Variants in ANKRD26 observed in about 807,000 individuals in gnomAD.
ANKRD26 encodes the protein ankyrin repeat domain-containing protein 26.
ANKRD26 carries 141 observed loss-of-function variants against 208.7 expected under a neutral mutation model. The observed-to-expected ratio is 0.68, with a 90% CI of 0.59 to 0.78. The LOEUF is 0.78. ANKRD26 is among the 30% of genes least tolerant of loss of function. ANKRD26 has a pLI of 0.00. For synonymous variants in ANKRD26, 636 were observed against 660.4 expected (o/e 0.96, Z 0.57); for missense variants, 1,889 against 1,938.7 (o/e 0.97, Z 0.48).
chr10:27,098,546 T>C (rs2056539967), intron 1 of ANKRD26, among the ~76,000 whole-genome samples: 1 of 118,256 alleles, frequency 8.5e-6, no homozygotes, highest in Non-Finnish European at 1.7e-5. Context: ...ATAACAAATT[T>C]TACCACTTTT....
intron 4 of ANKRD26, among the ~76,000 whole-genome samples, chr10:26,982,324 A>T (rs2052320728): frequency 6.6e-6 from 1 of 152,150 alleles, no homozygotes; most frequent in South Asian, 2.1e-4. Context: ...ACCAAATAGG[A>T]GGCGGGTTGG....
At chr10:27,050,244 A>G (rs865859558) in intron 16 of ANKRD26, among the ~76,000 whole-genome samples, 26 of 134,274 alleles carry the variant, frequency 1.9e-4, no homozygotes, top group African/African-American at 8.6e-4. Context: ...AAAAAAAAAA[A>G]AAAGAAAGAA....
At chr10:27,008,216 A>G (rs1199721482) in intron 32 of ANKRD26, among the ~76,000 whole-genome samples, 2 of 151,988 alleles carry the variant, frequency 1.3e-5, no homozygotes, top group African/African-American at 4.8e-5. Context: ...GATAATGATA[A>G]TATGATATCC....
intron 20 of ANKRD26, 117 bp from the exon 21 acceptor site, chr10:27,040,295 G>A (rs2054191290): frequency 2.7e-6 from 2 of 749,842 alleles, no homozygotes; most frequent in East Asian, 2.7e-5. Flanking sequence ...GGCCTACAAT[G>A]TGGAAGACAT....
intron 1 of ANKRD26, among the ~76,000 whole-genome samples, chr10:27,096,012 GAGCTCT>G (rs72196423): frequency 0.13 from 19,483 of 151,976 alleles, 1,357 homozygotes; most frequent in East Asian, 0.28. Flanking sequence ...TACTTGACCA[GAGCTCT>G]CATCTGTCCT....
At chr10:27,045,131 A>G (rs567450775) in intron 18 of ANKRD26, among the ~76,000 whole-genome samples, 1 of 152,332 alleles carries the variant, frequency 6.6e-6, no homozygotes, top group East Asian at 1.9e-4. Flanking sequence ...GCATTCAAAA[A>G]TCCTTATTGA....
At chr10:27,051,600 T>C (rs2054661968) in intron 16 of ANKRD26, 1 of 985,178 alleles carries the variant, frequency 1.0e-6, no homozygotes, top group Non-Finnish European at 1.2e-6. Flanking sequence ...AACATTTTCA[T>C]GGCCTAATTT....
At position 27,043,555 on chromosome 10, in the gene ANKRD26, T is replaced by C. The variant is rs2054336510; in HGVS notation, c.2032A>G (p.Ile678Val). 6.2e-7 allele frequency: 1 copy of C among 1,613,748 alleles called. No homozygotes were observed. Among genetic ancestry groups the C allele is most frequent in the East Asian group, 2.2e-5 (1 of 44,840 alleles). Residue 678 changes from isoleucine (I) to valine (V), a missense_variant, in exon 20 of 34, where the codon ATA (isoleucine) becomes GTA (valine). Transcript: ENST00000376087. ...SNEKNKVKNQ[I>V]QSMDDVDDLT... is the part of the protein sequence containing the mutation. The stretch of plus-strand genomic sequence containing the variant: ...TCATCAACATCATCCATAGACTGTA[T>C]TTGGTTTTTGACCTATGAAATAAAT...
chr10:27,099,595 G>A (rs4749225), intron 1 of ANKRD26, among the ~76,000 whole-genome samples: 33,828 of 147,380 alleles, frequency 0.23, 4,517 homozygotes, highest in East Asian at 0.55. Flanking sequence ...TGCCCAGGCT[G>A]GCCTTGAACT....
chr10:27,061,130 T>C lies in ANKRD26; in HGVS notation c.1462+14A>G, dbSNP rs915772871. Reference sequence around the variant, plus strand: ...GAATAACAGTTAACAAAAATACGCATTTTTTTTCCATACCCATGTGGGCTA... The same window carrying C: ...GAATAACAGTTAACAAAAATACGCACTTTTTTTCCATACCCATGTGGGCTA... On this transcript the variant is annotated intron_variant, in intron 13 of 33. Transcript: ENST00000376087. 11 of 1,548,268 alleles carry C rather than the reference T, an allele frequency of 7.1e-6. No homozygotes were observed. Among genetic ancestry groups the C allele is most frequent in the Non-Finnish European group, 9.8e-6 (11 of 1,121,726 alleles).
intron 9 of ANKRD26, among the ~76,000 whole-genome samples, chr10:27,068,735 C>CTGA (rs2055360407): frequency 6.6e-6 from 1 of 151,948 alleles, no homozygotes; most frequent in Admixed American, 6.6e-5. Flanking sequence ...TCAGAAAGGT[C>CTGA]ACCCTGGCAG....
intron 18 of ANKRD26, among the ~76,000 whole-genome samples, chr10:27,044,938 C>G (rs895295464): frequency 1.8e-4 from 27 of 152,116 alleles, no homozygotes; most frequent in Non-Finnish European, 1.5e-5. Context: ...GCAGATGAAT[C>G]TATATTTTCA....
intron 3 of ANKRD26, among the ~76,000 whole-genome samples, chr10:26,983,542 C>A (rs1281374280): frequency 6.6e-6 from 1 of 152,190 alleles, no homozygotes; most frequent in Non-Finnish European, 1.5e-5. Flanking sequence ...ATGTCTCCTG[C>A]ACTGTTTGGT....
Position 27,037,875 on chromosome 10 carries a change from T to A in ANKRD26, c.2555A>T (p.Asn852Ile), listed in dbSNP as rs558412270. 17 of 1,605,752 alleles carry A rather than the reference T, an allele frequency of 1.1e-5. No homozygotes were observed. In the East Asian group the frequency reaches 3.8e-4, roughly 36 times the overall value. Residue 852 changes from asparagine (N) to isoleucine (I), a missense_variant, in exon 22 of 34, where the codon AAT becomes ATT. Asn to Ile is a moderately radical substitution (Grantham distance 149). Transcript: ENST00000376087. ...TTTTATCAAAAATTAATTTACCTGA[T>A]TCAAATTACTTTTTACAGTCCTCAA... is the stretch of plus-strand genomic sequence containing the variant. ...MELRTVKSNL[N>I]QVVQERNDAQ...
At position 27,100,169 on chromosome 10, in the gene ANKRD26, G is replaced by T. The variant is rs2056601252; in HGVS notation, c.158C>A (p.Ala53Asp). ...TTTCGCCACATTACCCGCGCTGGCA[G>T]CTTTGTGGATCTTGCCGAGATCTCG... Reference protein sequence around the residue: ...RDRDLGKIHKAASAGNVAKVQ... With the variant: ...RDRDLGKIHKDASAGNVAKVQ... The change falls in exon 1 of 34, where the codon GCT becomes GAT. Residue 53 changes from alanine to aspartate, a missense_variant. Transcript: ENST00000376087. 3 of 1,614,024 alleles carry T rather than the reference G, an allele frequency of 1.9e-6. No individual in the cohort carries two copies. The South Asian group carries it at 3.3e-5, about 18-fold the overall frequency.
chr10:26,968,480 T>C, the ANKRD26 span, among the ~76,000 whole-genome samples: 4 of 152,258 alleles, frequency 2.6e-5, no homozygotes, highest in Non-Finnish European at 5.9e-5. Flanking sequence ...TCCCTCCATG[T>C]AACTTCATGG....
At position 27,040,060 on chromosome 10, in the gene ANKRD26, A is replaced by T; in HGVS notation, c.2280T>A (p.Val760=). 3.7e-6 allele frequency: 6 copies of T among 1,613,478 alleles called. No homozygotes were observed. The highest frequency in any genetic ancestry group is 5.1e-6 in the Non-Finnish European group (6 of 1,179,758). ...CAGATAGCTCCCTTTGTAGTACATT[A>T]ACCTTGTCTTCCATTTTTTTAATTT... is the stretch of plus-strand genomic sequence containing the variant. ...TVKIKKMEDK[V]NVLQRELSET... Residue 760 remains valine, a synonymous_variant, in exon 21 of 34, where the codon GTT becomes GTA. Transcript: ENST00000376087.
In ANKRD26 at chr10:27,076,071, A is replaced by G. The variant is rs548503504; in HGVS notation, c.1077+1267T>C. On this transcript the variant is annotated intron_variant, in intron 9 of 33. Transcript: ENST00000376087. ...GTTTTGAAATAAATAACAGTGCTAC[A>G]AATTATCAAAACCTCTTACAGCAAA... 2.0e-5 allele frequency among the ~76,000 whole-genome samples: 3 copies of G among 152,314 alleles called. No individual in the cohort carries two copies. In the East Asian group the frequency reaches 5.8e-4, roughly 29 times the overall value.
At position 27,064,059 on chromosome 10, in the gene ANKRD26, T is replaced by C. The variant is rs1225899758; in HGVS notation, c.1292A>G (p.Gln431Arg). 6.2e-7 allele frequency: 1 copy of C among 1,611,052 alleles called. No homozygotes were observed. The highest frequency in any genetic ancestry group is 1.7e-5 in the Admixed American group (1 of 59,994). The change falls in exon 12 of 34, where the codon CAG becomes CGG. Residue 431 changes from glutamine to arginine, a missense_variant. Gln to Arg is a conservative substitution (Grantham distance 43). Coordinates refer to ENST00000376087, the MANE Select transcript of ANKRD26 (RefSeq NM_014915.3). Reference sequence around the variant, plus strand: ...CCCAGCTAAAGGATCAACATACTTCTGTGGAAAATTCTCAGAGATACTCTG... The same window carrying C: ...CCCAGCTAAAGGATCAACATACTTCCGTGGAAAATTCTCAGAGATACTCTG... ...DSESISENFP[Q>R]KYVDPLAGAA...
Sources: allele counts gnomAD v4.1 joint callset (sites outside exome capture counted in the v4.1 genomes callset), GRCh38; gene constraint gnomAD v4.1.1; transcripts MANE v1.5; gene names NCBI Gene and HGNC (gene_info 2026-07-23, HGNC 2026-07-21).